The following TGFBR3 variants were observed in gnomAD, a reference collection of about 807,000 sequenced individuals.
TGFBR3 encodes transforming growth factor beta receptor type 3.
In TGFBR3, 46 loss-of-function variants were observed where a neutral mutation model predicts 87.9. The ratio of observed to expected loss-of-function variants is 0.52; its 90% CI spans 0.41 to 0.67. The LOEUF is 0.67. Ranked by LOEUF, TGFBR3 falls within the 30% of genes least tolerant of loss-of-function variation. The pLI is 0.00. For synonymous variants in TGFBR3, 381 were observed against 391.6 expected, an observed-to-expected ratio of 0.97 and a Z score of 0.32; for missense variants, 866 against 1,041.9, an observed-to-expected ratio of 0.83 and a Z score of 2.32.
chr1:91,764,398 C>A (rs910755253), intron 3 of TGFBR3, among the ~76,000 whole-genome samples: 3 of 149,712 alleles, frequency 2.0e-5, no homozygotes, highest in Non-Finnish European at 3.0e-5. Context: ...ATTTTGTATG[C>A]CCTGGAAAAA....
At chr1:91,795,244 A>T (rs910005874) in intron 3 of TGFBR3, among the ~76,000 whole-genome samples, 1 of 152,224 alleles carries the variant, frequency 6.6e-6, no homozygotes, top group African/African-American at 2.4e-5. Flanking sequence ...GTCTATTCTC[A>T]GAAACATCTT....
At chr1:91,871,194 G>C (rs976734812) in intron 1 of TGFBR3, among the ~76,000 whole-genome samples, 3 of 152,150 alleles carry the variant, frequency 2.0e-5, no homozygotes, top group African/African-American at 7.2e-5. Flanking sequence ...TCAAAAAAAA[G>C]ATAGGGACTG....
chr1:91,728,105 A>G (rs6696224), intron 6 of TGFBR3, among the ~76,000 whole-genome samples: 22,214 of 152,212 alleles, frequency 0.15, 1,986 homozygotes, highest in East Asian at 0.45. Context: ...AACGAACCAG[A>G]AGAGTTTACT....
chr1:91,687,458 T>C (rs558657686), intron 16 of TGFBR3, among the ~76,000 whole-genome samples: 1 of 152,350 alleles, frequency 6.6e-6, no homozygotes, highest in Admixed American at 6.5e-5. Context: ...CTCTTTGGCG[T>C]CTATATTACA....
rs1189754259 is a variant in TGFBR3, at chr1:91,816,264, C to G, written c.62-18793G>C. Among the ~76,000 whole-genome samples, 4 of 152,182 alleles carry G rather than the reference C, an allele frequency of 2.6e-5. No homozygotes were observed. In the East Asian group the frequency reaches 7.7e-4, roughly 29 times the overall value. ...AAACAACCCATCTCAAAGTTCAACT[C>G]AAGGCTGAATTCCTATCAGAAACTA... On this transcript the variant is annotated intron_variant, in intron 2 of 16. Transcript: ENST00000212355.
intron 16 of TGFBR3, among the ~76,000 whole-genome samples, chr1:91,687,099 A>G (rs1256083304): frequency 6.6e-6 from 1 of 152,216 alleles, no homozygotes; most frequent in Non-Finnish European, 1.5e-5. Context: ...AAGGACACTA[A>G]GGATTAATTC....
chr1:91,904,148 C>A (rs1261741308), intron 1 of TGFBR3, among the ~76,000 whole-genome samples: 1 of 152,200 alleles, frequency 6.6e-6, no homozygotes, highest in Non-Finnish European at 1.5e-5. Context: ...CGTGCCACTG[C>A]ACTCCAACCT....
At chr1:91,724,675 T>G (rs1358218473) in intron 7 of TGFBR3, among the ~76,000 whole-genome samples, 1 of 152,228 alleles carries the variant, frequency 6.6e-6, no homozygotes, top group Admixed American at 6.5e-5. Flanking sequence ...GTTCCCAGCT[T>G]TGAGCAAATT....
intron 16 of TGFBR3, among the ~76,000 whole-genome samples, chr1:91,694,861 C>T (rs193220836): frequency 2.0e-5 from 3 of 152,212 alleles, no homozygotes; most frequent in South Asian, 2.1e-4. Flanking sequence ...TCCAGAATGC[C>T]GCAAAATGCA....
chr1:91,836,429 A>G (rs1388906100), intron 2 of TGFBR3, among the ~76,000 whole-genome samples: 1 of 64,780 alleles, frequency 1.5e-5, no homozygotes, highest in Non-Finnish European at 2.7e-5. Flanking sequence ...ACAGAGGAGT[A>G]CACTGTAAAA....
intron 1 of TGFBR3, among the ~76,000 whole-genome samples, chr1:91,870,432 C>T (rs1236045614): frequency 6.6e-6 from 1 of 152,240 alleles, no homozygotes. Context: ...GGCTCAACGA[C>T]TGGCCCAGCT....
At chr1:91,891,838 T>A (rs1447295413) in intron 2 of TGFBR3, among the ~76,000 whole-genome samples, 5 of 152,242 alleles carry the variant, frequency 3.3e-5, no homozygotes, top group African/African-American at 1.2e-4. Flanking sequence ...TCATACTCGT[T>A]GGTGTTTTAT....
chr1:91,885,266 A>C (rs893590785), intron 1 of TGFBR3, among the ~76,000 whole-genome samples: 9 of 151,860 alleles, frequency 5.9e-5, no homozygotes, highest in African/African-American at 2.2e-4. Context: ...TAATAAGATC[A>C]AGTCTGCAAG....
At chr1:91,873,339 G>A (rs559469601) in intron 1 of TGFBR3, among the ~76,000 whole-genome samples, 191 of 135,566 alleles carry the variant, frequency 1.4e-3, no homozygotes, top group Middle Eastern at 5.0e-3. Context: ...CTGTAGTGCA[G>A]TGGCACTATC....
At chr1:91,805,281 C>A (rs1196224795) in intron 2 of TGFBR3, among the ~76,000 whole-genome samples, 2 of 152,174 alleles carry the variant, frequency 1.3e-5, no homozygotes, top group African/African-American at 2.4e-5. Flanking sequence ...AAGGGTAGCT[C>A]CCAAAGAAAT....
At chr1:91,803,217 C>T (rs999156650) in intron 2 of TGFBR3, among the ~76,000 whole-genome samples, 1 of 152,222 alleles carries the variant, frequency 6.6e-6, no homozygotes, top group Non-Finnish European at 1.5e-5. Context: ...TTTGGCCATT[C>T]TGGTGAAGCA....
At position 91,716,549 on chromosome 1, in the gene TGFBR3, A is replaced by G. The variant is rs370422701; in HGVS notation, c.1707+19T>C. On this transcript the variant is annotated intron_variant, in intron 11 of 16. Coordinates refer to ENST00000212355, the MANE Select transcript of TGFBR3 (RefSeq NM_003243.5). ...AGACAGCATTTTCCACAAACCCCCT[A>G]CTGATAACAAACACATACCACCACG... The G allele has an allele frequency of 4.3e-6, 7 of 1,613,944 alleles. No individual in the cohort carries two copies. In the African/African-American group the frequency reaches 5.3e-5, roughly 12 times the overall value.
chr1:91,783,021 C>A (rs1674831636), intron 3 of TGFBR3, among the ~76,000 whole-genome samples: 1 of 152,214 alleles, frequency 6.6e-6, no homozygotes, highest in Non-Finnish European at 1.5e-5. Flanking sequence ...GATGTGTGTA[C>A]ACATGTATCA....
intron 1 of TGFBR3, among the ~76,000 whole-genome samples, chr1:91,877,327 TG>T (rs1481346768): frequency 6.6e-6 from 1 of 152,072 alleles, no homozygotes; most frequent in Non-Finnish European, 1.5e-5. Flanking sequence ...TTTCTTTTTT[TG>T]TGTGTGTGGT....
Sources: gnomAD v4.1 joint callset for allele counts (sites outside exome capture counted in the v4.1 genomes callset) on GRCh38, gnomAD v4.1.1 for gene constraint, MANE v1.5 for transcripts, NCBI Gene and HGNC (gene_info 2026-07-23, HGNC 2026-07-21) for gene names.